ARHGAP32: variants seen among roughly 807,000 people sequenced by gnomAD.
ARHGAP32 encodes rho GTPase-activating protein 32.
Under a neutral mutation model 186.5 loss-of-function variants are expected in ARHGAP32, and 51 were observed. The observed-to-expected ratio is 0.27, with a 90% confidence interval of 0.22 to 0.35. The LOEUF (loss-of-function observed/expected upper bound fraction) is 0.35, where lower values mean the gene tolerates loss of function less well. ARHGAP32 is among the 10% of genes least tolerant of loss of function. The probability of loss-of-function intolerance (pLI) is 1.00; values close to 1 mark genes in which losing one functional copy is unlikely to be tolerated. For synonymous variants in ARHGAP32, 950 were observed against 964.3 expected (o/e 0.99, Z 0.27); for missense variants, 2,186 against 2,623.5 (o/e 0.83, Z 3.64).
rs556340976 is a variant in ARHGAP32 at position 129,189,339 on chromosome 11, C to T, written c.116+2744G>A. Reference sequence around the variant, plus strand: ...ACTCTCTGAGCCATAAATTCCTCACCGAGGAAATAGGAAAAATGATACCTG... The same window carrying T: ...ACTCTCTGAGCCATAAATTCCTCACTGAGGAAATAGGAAAAATGATACCTG... On this transcript the variant is annotated intron_variant, in intron 1 of 22. Transcript: ENST00000682385. Among the ~76,000 whole-genome samples, 5 of 152,100 alleles carry T rather than the reference C, an allele frequency of 3.3e-5. No homozygotes were observed. In the East Asian group the frequency reaches 7.7e-4, roughly 23 times the overall value.
chr11:129,213,452 G>A (rs1346645252), intron 1 of ARHGAP32, among the ~76,000 whole-genome samples: 1 of 152,164 alleles, frequency 6.6e-6, no homozygotes, highest in Non-Finnish European at 1.5e-5. Context: ...CTGGCAGCAG[G>A]TGCGTAACAG....
At chr11:129,136,274 C>A (rs974657604) in intron 2 of ARHGAP32, among the ~76,000 whole-genome samples, 1 of 152,146 alleles carries the variant, frequency 6.6e-6, no homozygotes, top group Non-Finnish European at 1.5e-5. Flanking sequence ...CTATTACACA[C>A]AGAACCCTGG....
chr11:129,077,949 A>G (rs1399322438), intron 6 of ARHGAP32, among the ~76,000 whole-genome samples: 1 of 152,186 alleles, frequency 6.6e-6, no homozygotes, highest in Non-Finnish European at 1.5e-5. Flanking sequence ...AACCTGTAAC[A>G]TCCTGGCTAA....
chr11:129,091,076 T>C (rs1433075473), intron 6 of ARHGAP32, among the ~76,000 whole-genome samples: 1 of 152,066 alleles, frequency 6.6e-6, no homozygotes, highest in Non-Finnish European at 1.5e-5. Context: ...TCTAATTAAT[T>C]ACTATGAAAG....
chr11:129,030,083 A>ACT (rs1424762450), intron 11 of ARHGAP32, among the ~76,000 whole-genome samples: 4 of 152,010 alleles, frequency 2.6e-5, no homozygotes, highest in Admixed American at 2.0e-4. Flanking sequence ...TACTCCTTTG[A>ACT]CTCTTTCATC....
rs377604280 is a variant in ARHGAP32, at chr11:128,970,104, A to G, written c.5109T>C (p.Phe1703=). 4.7e-5 allele frequency: 76 copies of G among 1,614,092 alleles called. No homozygotes were observed. The highest frequency in any genetic ancestry group is 6.2e-5 in the Non-Finnish European group (73 of 1,180,050). Residue 1703 remains phenylalanine, a synonymous_variant, in exon 23 of 23, where the codon TTT becomes TTC. Coordinates refer to ENST00000682385, the MANE Select transcript of ARHGAP32 (RefSeq NM_001378024.1). This position sits in a 1 kb window ranked among gnomAD's most constrained non-coding sequence, Gnocchi z 5.8. The part of the protein sequence containing the change: ...RPLHRLPNRD[F]AFYNPRLQGK... Reference sequence around the variant, plus strand: ...CTTGCAGCCTAGGATTGTAGAAAGCAAAGTCTCGATTGGGAAGGCGGTGAA... The same window carrying G: ...CTTGCAGCCTAGGATTGTAGAAAGCGAAGTCTCGATTGGGAAGGCGGTGAA...
chr11:129,269,815 A>T (rs1362211683), intron 1 of ARHGAP32, among the ~76,000 whole-genome samples: 13 of 152,230 alleles, frequency 8.5e-5, no homozygotes, highest in Admixed American at 8.5e-4. Flanking sequence ...AAACAATGTC[A>T]TATACCACAC....
At chr11:128,998,573 T>G in intron 11 of ARHGAP32, 105 bp from the exon 12 acceptor site, 1 of 753,722 alleles carries the variant, frequency 1.3e-6, no homozygotes, top group Non-Finnish European at 2.0e-6. Context: ...AATAATCTAT[T>G]ATGAATATAC....
At chr11:129,063,460 T>C (rs950139694) in intron 9 of ARHGAP32, among the ~76,000 whole-genome samples, 6 of 151,972 alleles carry the variant, frequency 3.9e-5, no homozygotes, top group South Asian at 2.1e-4. Flanking sequence ...CAACAATATG[T>C]GAAAAAAAAT....
At chr11:129,168,430 A>T (rs1366325935) in intron 1 of ARHGAP32, among the ~76,000 whole-genome samples, 2 of 152,240 alleles carry the variant, frequency 1.3e-5, no homozygotes, top group African/African-American at 4.8e-5. Context: ...ATAAAGGGAG[A>T]CGTTTCATAA....
rs548343040 is a variant in ARHGAP32 at position 129,037,497 on chromosome 11, GA to G, written c.1045+3430del. On this transcript the variant is annotated intron_variant, in intron 11 of 22. Transcript: ENST00000682385. ...AACAAAGCAAGACACTGTCTCCAAA[GA>G]AAAAAAATTAAAAATACAAAAGAAT... Among the ~76,000 whole-genome samples, 208 of 151,136 alleles carry G rather than the reference GA, an allele frequency of 1.4e-3. 6 individuals carry two copies. Among genetic ancestry groups the G allele is most frequent in the African/African-American group, 4.8e-3 (196 of 41,134 alleles).
chr11:129,223,372 C>T (rs57710978), intron 1 of ARHGAP32, among the ~76,000 whole-genome samples: 30,227 of 151,958 alleles, frequency 0.2, 3,139 homozygotes, highest in Non-Finnish European at 0.23. Context: ...TTGAAGAGTG[C>T]TTTTATTTGT....
At position 129,204,524 on chromosome 11, in the gene ARHGAP32, G is replaced by T. The variant is rs144706626; in HGVS notation, c.-4-40097C>A. On this transcript the variant is annotated intron_variant, in intron 1 of 6. Coordinates refer to the ARHGAP32 transcript ENST00000525234. ...TCCCACGAAACTAGTTGAAGAAATAGAAATAAATCCAATGTTTTCAATCTG... is the reference window on the plus strand; with the variant it reads ...TCCCACGAAACTAGTTGAAGAAATATAAATAAATCCAATGTTTTCAATCTG... 9.5e-3 allele frequency among the ~76,000 whole-genome samples: 1,449 copies of T among 152,260 alleles called. 16 individuals are homozygous for T. The highest frequency in any genetic ancestry group is 0.027 in the Middle Eastern group (8 of 294).
chr11:129,193,674 A>G (rs1224845363), upstream of ARHGAP32, among the ~76,000 whole-genome samples: 2 of 50,012 alleles, frequency 4.0e-5, no homozygotes, highest in East Asian at 5.4e-4. Context: ...TATTATATAT[A>G]ATATATAATA....
intron 1 of ARHGAP32, among the ~76,000 whole-genome samples, chr11:129,261,872 A>G (rs1488532774): frequency 6.6e-6 from 1 of 152,232 alleles, no homozygotes; most frequent in Non-Finnish European, 1.5e-5. Context: ...ATAAAATGCA[A>G]TAGTATATAG....
rs939060668 is a variant in ARHGAP32 at position 129,123,774 on chromosome 11, C to T, written c.359+114G>A. ...CATCACCGTTATCTCCTAATTTTGA[C>T]CCGAATCAATGTCCATAGAAAAACT... On this transcript the variant is annotated intron_variant, in intron 4 of 22. Coordinates refer to ENST00000682385, the MANE Select transcript of ARHGAP32 (RefSeq NM_001378024.1). The surrounding 1 kb of genome is among the most constrained non-coding windows in gnomAD (Gnocchi z 4.6). 2.2e-6 allele frequency: 2 copies of T among 908,438 alleles called. No homozygotes were observed. Among genetic ancestry groups the T allele is most frequent in the Non-Finnish European group, 3.1e-6 (2 of 636,492 alleles). The allele number at this position is 908,438 out of a possible 1,614,324, so 56.3% of individuals were successfully genotyped here. A position where few individuals can be genotyped will look rare whatever the true frequency, so the allele number is the denominator to read the frequency against.
rs79894423 is a variant in ARHGAP32 at position 129,247,105 on chromosome 11, G to C, written c.-5+32041C>G. Reference sequence around the variant, plus strand: ...CTGGCCACAGGCCCAGCCATCCTTTGCATCTAGTAAATTGTTAATAATGTA... The same window carrying C: ...CTGGCCACAGGCCCAGCCATCCTTTCCATCTAGTAAATTGTTAATAATGTA... On this transcript the variant is annotated intron_variant, in intron 1 of 6. Coordinates refer to the ARHGAP32 transcript ENST00000525234. Among the ~76,000 whole-genome samples the C allele has an allele frequency of 0.016, 2,500 of 152,156 alleles. 144 individuals carry two copies. In the East Asian group the frequency reaches 0.18, roughly 11 times the overall value.
At chr11:129,191,473 CT>C in intron 1 of ARHGAP32, among the ~76,000 whole-genome samples, 1 of 152,094 alleles carries the variant, frequency 6.6e-6, no homozygotes, top group East Asian at 1.9e-4. Flanking sequence ...AGGAGGCATC[CT>C]CTAAAAACTT....
chr11:129,057,086 C>T (rs950345089), intron 10 of ARHGAP32, among the ~76,000 whole-genome samples: 3 of 152,166 alleles, frequency 2.0e-5, no homozygotes, highest in South Asian at 2.1e-4. Flanking sequence ...CAGAGCCAGG[C>T]GAGCTGGCTG....
Sources: gnomAD v4.1 joint callset for allele counts (sites outside exome capture counted in the v4.1 genomes callset) on GRCh38, gnomAD v4.1.1 for gene constraint, Gnocchi (gnomAD v3.1) non-coding constraint, MANE v1.5 for transcripts, NCBI Gene and HGNC (gene_info 2026-07-23, HGNC 2026-07-21) for gene names.